Variants in PRDM5 observed in about 807,000 individuals in gnomAD.
The protein encoded by PRDM5 is PR/SET domain 5.
Under a neutral mutation model 81.2 loss-of-function variants are expected in PRDM5, and 56 were observed. The ratio of observed to expected loss-of-function variants is 0.69; its 90% confidence interval spans 0.56 to 0.86. The LOEUF is 0.86. Among genes scored for constraint, PRDM5 ranks in the 40% least tolerant of loss-of-function variants. The probability of loss-of-function intolerance (pLI) is 0.00; values close to 1 mark genes in which losing one functional copy is unlikely to be tolerated. For missense variants in PRDM5, 697 were observed against 770.1 expected, an observed-to-expected ratio of 0.91 and a Z score of 1.12; for synonymous variants, 267 against 256.4, an observed-to-expected ratio of 1.04 and a Z score of -0.39.
intron 3 of PRDM5, among the ~76,000 whole-genome samples, chr4:120,836,628 AT>A (rs1757387372): frequency 6.6e-6 from 1 of 152,214 alleles, no homozygotes; most frequent in East Asian, 1.9e-4. Flanking sequence ...CATATTTATC[AT>A]TGCTGTAAAA....
intron 9 of PRDM5, among the ~76,000 whole-genome samples, chr4:120,798,640 A>T (rs1751680183): frequency 6.6e-6 from 1 of 152,210 alleles, no homozygotes; most frequent in East Asian, 1.9e-4. Flanking sequence ...TTGAATTTTT[A>T]AAGTAGCTTA....
chr4:120,687,875 T>C (rs1377053862), downstream of PRDM5, among the ~76,000 whole-genome samples: 1 of 152,172 alleles, frequency 6.6e-6, no homozygotes, highest in Admixed American at 6.6e-5. Context: ...TTGCCAGTGC[T>C]TGCACTTTGA....
chr4:120,732,350 A>G (rs1286235077), intron 14 of PRDM5, among the ~76,000 whole-genome samples: 1 of 152,222 alleles, frequency 6.6e-6, no homozygotes. Context: ...TCTAATATTA[A>G]GTAATCAGAT....
chr4:120,816,485 G>A lies in PRDM5; in HGVS notation c.833C>T (p.Ala278Val), dbSNP rs1334522117. The part of the protein sequence containing the change: ...SCGKRLKSKD[A>V]LKRHQENVHT... The stretch of plus-strand genomic sequence containing the variant: ...GACATTTTCCTGGTGTCTTTTCAGG[G>A]CATCCTTGCTCTTCAGCCTCTTTCC... The change falls in exon 7 of 16, where the codon GCC becomes GTC. Residue 278 changes from alanine to valine, a missense_variant. Physicochemically the swap from Ala to Val is moderately conservative, Grantham distance 64 (BLOSUM62 0). Coordinates refer to ENST00000264808, the MANE Select transcript of PRDM5 (RefSeq NM_018699.4). The A allele has an allele frequency of 1.9e-6, 3 of 1,614,024 alleles. No individual in the cohort carries two copies. The highest frequency in any genetic ancestry group is 3.3e-5 in the Admixed American group (2 of 59,988).
intron 12 of PRDM5, 82 bp from the exon 13 acceptor site, chr4:120,777,363 T>C (rs951098749): frequency 2.5e-6 from 4 of 1,593,230 alleles, no homozygotes; most frequent in African/African-American, 2.7e-5. Context: ...CAATAGTAAA[T>C]CCTTATTTTG....
At chr4:120,817,779 T>C (rs759964778) in intron 5 of PRDM5, among the ~76,000 whole-genome samples, 3 of 152,178 alleles carry the variant, frequency 2.0e-5, no homozygotes, top group Non-Finnish European at 4.4e-5. Flanking sequence ...GTTGTTAATA[T>C]AAATTGTTAA....
intron 2 of PRDM5, among the ~76,000 whole-genome samples, chr4:120,863,225 C>CACAT (rs1553997195): frequency 7.2e-6 from 1 of 138,714 alleles, no homozygotes; most frequent in African/African-American, 2.7e-5. Flanking sequence ...CACACACACA[C>CACAT]ATATATATGT....
intron 2 of PRDM5, among the ~76,000 whole-genome samples, chr4:120,871,441 C>T (rs1761776309): frequency 1.3e-5 from 2 of 152,158 alleles, no homozygotes; most frequent in South Asian, 4.1e-4. Context: ...TGACACGACC[C>T]TCCTGATATG....
intron 2 of PRDM5, among the ~76,000 whole-genome samples, chr4:120,856,102 A>G (rs1216632607): frequency 6.6e-6 from 1 of 152,148 alleles, no homozygotes; most frequent in Non-Finnish European, 1.5e-5. Flanking sequence ...TTTAGCCCCA[A>G]CTATGTTCAA....
At chr4:120,836,542 G>T (rs1392604180) in intron 3 of PRDM5, among the ~76,000 whole-genome samples, 1 of 152,144 alleles carries the variant, frequency 6.6e-6, no homozygotes, top group African/African-American at 2.4e-5. Flanking sequence ...CTTACAGTTA[G>T]ATACTTTATT....
At chr4:120,761,475 T>G (rs778359735) in intron 13 of PRDM5, among the ~76,000 whole-genome samples, 1 of 152,220 alleles carries the variant, frequency 6.6e-6, no homozygotes, top group Non-Finnish European at 1.5e-5. Flanking sequence ...ATGTTCCATA[T>G]AGATGGAATA....
At chr4:120,900,511 G>T (rs1428272907) in intron 2 of PRDM5, among the ~76,000 whole-genome samples, 2 of 151,828 alleles carry the variant, frequency 1.3e-5, no homozygotes, top group Admixed American at 6.6e-5. Flanking sequence ...GTTCTTCATT[G>T]GTTCAAATTA....
rs148526470 is a variant in PRDM5 at position 120,850,110 on chromosome 4, G to C, written c.300+3308C>G. Among the ~76,000 whole-genome samples the C allele has an allele frequency of 4.1e-3, 618 of 152,052 alleles. 4 individuals are homozygous for C. Among genetic ancestry groups the C allele is most frequent in the African/African-American group, 0.015 (603 of 41,470 alleles). ...GGAGTTCCAATTATCTGCCAAAACA[G>C]ACCTCAACTTCATAATCCCTTGTCC... On this transcript the variant is annotated intron_variant, in intron 3 of 15. Coordinates refer to ENST00000264808, the MANE Select transcript of PRDM5 (RefSeq NM_018699.4).
At chr4:120,863,209 C>CACACACAT (rs1561529362) in intron 2 of PRDM5, among the ~76,000 whole-genome samples, 5 of 139,636 alleles carry the variant, frequency 3.6e-5, no homozygotes, top group African/African-American at 1.1e-4. Context: ...CACACACACA[C>CACACACAT]ACACACACAC....
intron 2 of PRDM5, among the ~76,000 whole-genome samples, chr4:120,859,303 T>C (rs1159060546): frequency 6.6e-6 from 1 of 151,970 alleles, no homozygotes; most frequent in Non-Finnish European, 1.5e-5. Flanking sequence ...CTCAACTTCC[T>C]GGGCTCAAAA....
At chr4:120,886,817 A>G (rs909079151) in intron 2 of PRDM5, among the ~76,000 whole-genome samples, 1 of 152,184 alleles carries the variant, frequency 6.6e-6, no homozygotes, top group East Asian at 1.9e-4. Context: ...AGTCTACAAC[A>G]TAGTCTACCC....
chr4:120,837,320 T>C (rs935097449), intron 3 of PRDM5: 2 of 152,222 alleles, frequency 1.3e-5, no homozygotes, highest in Non-Finnish European at 2.9e-5. Flanking sequence ...ATAAAAGTTT[T>C]TTATGTTTTT....
At chr4:120,769,590 A>T (rs1393278450) in intron 13 of PRDM5, among the ~76,000 whole-genome samples, 1 of 152,164 alleles carries the variant, frequency 6.6e-6, no homozygotes, top group Non-Finnish European at 1.5e-5. Flanking sequence ...TAATAAAATG[A>T]CCCAGTGAGC....
intron 3 of PRDM5, among the ~76,000 whole-genome samples, chr4:120,847,640 T>C (rs1400476510): frequency 6.6e-6 from 1 of 152,194 alleles, no homozygotes; most frequent in Non-Finnish European, 1.5e-5. Context: ...ACTGCATGTT[T>C]GTTATTTTAA....
Sources: allele counts gnomAD v4.1 joint callset (sites outside exome capture counted in the v4.1 genomes callset), GRCh38; gene constraint gnomAD v4.1.1; transcripts MANE v1.5; gene names NCBI Gene and HGNC (gene_info 2026-07-23, HGNC 2026-07-21).